CRPPA: variants seen among roughly 807,000 people sequenced by gnomAD.
CRPPA encodes D-ribitol-5-phosphate cytidylyltransferase.
Under a neutral mutation model 52.0 loss-of-function variants are expected in CRPPA, and 43 were observed. That is an observed-to-expected ratio of 0.83 (90% CI 0.65 to 1.07). The LOEUF (loss-of-function observed/expected upper bound fraction) is 1.07. Among genes scored for constraint, CRPPA ranks in the 50% least tolerant of loss-of-function variants. CRPPA has a pLI of 0.00. For synonymous variants in CRPPA, 250 were observed against 203.5 expected (o/e 1.23, Z -1.94); for missense variants, 629 against 551.7 (o/e 1.14, Z -1.40).
intron 8 of CRPPA, among the ~76,000 whole-genome samples, chr7:16,237,989 C>T (rs1782996411): frequency 2.0e-5 from 3 of 152,094 alleles, no homozygotes; most frequent in Non-Finnish European, 2.9e-5. Flanking sequence ...TTCAAGCACA[C>T]CTAGCTAAAT....
chr7:16,102,139 C>T (rs1332674342), intron 9 of CRPPA, among the ~76,000 whole-genome samples: 1 of 152,142 alleles, frequency 6.6e-6, no homozygotes, highest in African/African-American at 2.4e-5. Flanking sequence ...ACAGAGACCT[C>T]AGAAATAACA....
At chr7:16,232,143 C>T (rs1158353631) in intron 8 of CRPPA, among the ~76,000 whole-genome samples, 1 of 152,086 alleles carries the variant, frequency 6.6e-6, no homozygotes, top group Admixed American at 6.5e-5. Context: ...AGTCAAAGGC[C>T]TAGAAGGAAC....
intron 9 of CRPPA, among the ~76,000 whole-genome samples, chr7:16,101,228 G>A (rs970125165): frequency 6.6e-6 from 1 of 152,114 alleles, no homozygotes; most frequent in African/African-American, 2.4e-5. Flanking sequence ...AGAATAAATG[G>A]TACCAGCTCC....
intron 8 of CRPPA, among the ~76,000 whole-genome samples, chr7:16,222,853 G>A (rs1240964404): frequency 2.0e-5 from 3 of 152,094 alleles, no homozygotes; most frequent in African/African-American, 7.2e-5. Context: ...GGGGTACTGT[G>A]ATATTTTGTT....
chr7:16,242,352 A>T, intron 8 of CRPPA, among the ~76,000 whole-genome samples: 1 of 152,134 alleles, frequency 6.6e-6, no homozygotes, highest in Non-Finnish European at 1.5e-5. Context: ...TTTTCTAAGA[A>T]TGTTTTCATC....
At chr7:16,303,782 A>C (rs1296450488) in intron 4 of CRPPA, among the ~76,000 whole-genome samples, 4 of 152,236 alleles carry the variant, frequency 2.6e-5, no homozygotes, top group Non-Finnish European at 2.9e-5. Context: ...ACAAAAACCA[A>C]ATAGAGACTA....
chr7:16,091,886 C>A, intron 9 of CRPPA, 87 bp from the exon 10 acceptor site: 1 of 725,324 alleles, frequency 1.4e-6, no homozygotes. Context: ...TCAAGATCTG[C>A]TGCGGTCTGG....
intron 9 of CRPPA, among the ~76,000 whole-genome samples, chr7:16,177,939 A>G (rs1486699995): frequency 2.0e-5 from 3 of 152,056 alleles, no homozygotes; most frequent in Non-Finnish European, 2.9e-5. Context: ...TTCTATTTCT[A>G]TCTTTCTGTA....
intron 1 of CRPPA, among the ~76,000 whole-genome samples, chr7:16,418,270 G>T (rs752402345): frequency 3.1e-4 from 47 of 152,138 alleles, no homozygotes; most frequent in Non-Finnish European, 6.0e-4. Context: ...TGATAAAAAT[G>T]AGCCATGAAG....
intron 3 of CRPPA, among the ~76,000 whole-genome samples, chr7:16,363,234 C>G (rs1463537138): frequency 6.6e-6 from 1 of 151,968 alleles, no homozygotes; most frequent in East Asian, 1.9e-4. Context: ...AAGTTTTTCC[C>G]AAAAAGAGCA....
At chr7:16,236,950 G>GCGCACACACA (rs113087076) in intron 8 of CRPPA, among the ~76,000 whole-genome samples, 6 of 149,584 alleles carry the variant, frequency 4.0e-5, no homozygotes, top group African/African-American at 1.5e-4. Flanking sequence ...TCGTGCGCGC[G>GCGCACACACA]CACACACACA....
intron 9 of CRPPA, among the ~76,000 whole-genome samples, chr7:16,197,671 T>C (rs1381340743): frequency 6.6e-6 from 1 of 151,190 alleles, no homozygotes; most frequent in African/African-American, 2.4e-5. Context: ...GTAAGAACTG[T>C]AGAACTTCCA....
chr7:16,165,738 C>T (rs1171319856), intron 9 of CRPPA, among the ~76,000 whole-genome samples: 1 of 152,166 alleles, frequency 6.6e-6, no homozygotes, highest in Non-Finnish European at 1.5e-5. Context: ...TCTCCCCCAC[C>T]CACTCCCAGT....
intron 5 of CRPPA, among the ~76,000 whole-genome samples, chr7:16,282,489 C>T (rs78015441): frequency 0.11 from 16,495 of 151,598 alleles, 966 homozygotes; most frequent in Middle Eastern, 0.17. Flanking sequence ...GAAAGGGTGA[C>T]GGAAAAGGTG....
intron 2 of CRPPA, among the ~76,000 whole-genome samples, chr7:16,399,220 T>C (rs1289719941): frequency 1.3e-5 from 2 of 152,116 alleles, no homozygotes; most frequent in East Asian, 1.9e-4. Context: ...TTTGTGACAC[T>C]AGACACGTGA....
In CRPPA at chr7:16,342,763, C is replaced by CAAAAAAAAAAAAAAA. The variant is rs368521163; in HGVS notation, c.684+33314_684+33328dup. Among the ~76,000 whole-genome samples, 125 of 64,878 alleles carry CAAAAAAAAAAAAAAA rather than the reference C, an allele frequency of 1.9e-3. 11 individuals are homozygous for CAAAAAAAAAAAAAAA. The highest frequency in any genetic ancestry group is 2.3e-3 in the Non-Finnish European group (79 of 34,078). The allele number at this position is 64,878 out of a possible 152,430, so 42.6% of individuals were successfully genotyped here. On this transcript the variant is annotated intron_variant, in intron 3 of 9. Coordinates refer to ENST00000407010, the MANE Select transcript of CRPPA (RefSeq NM_001101426.4). ...GGCAACAGGATGAACCCTGTCTCCA[C>CAAAAAAAAAAAAAAA]AAAAAAAAAAAAAAAAAAAATATAT... is the stretch of plus-strand genomic sequence containing the variant.
At position 16,091,618 on chromosome 7, in the gene CRPPA, A is replaced by C. The variant is rs2128361035; in HGVS notation, c.*77T>G. 2 of 748,522 alleles carry C rather than the reference A, an allele frequency of 2.7e-6. No homozygotes were observed. Among genetic ancestry groups the C allele is most frequent in the South Asian group, 3.4e-5 (2 of 58,554 alleles). The allele number at this position is 748,522 out of a possible 1,614,324, so 46.4% of individuals were successfully genotyped here. On this transcript the variant is annotated 3_prime_UTR_variant, in exon 10 of 10. Coordinates refer to ENST00000407010, the MANE Select transcript of CRPPA (RefSeq NM_001101426.4). The stretch of plus-strand genomic sequence containing the variant: ...AAAGACAACTGAAACATTCTACCAC[A>C]CACAGCAGCGGGGGCACAAAGCACA...
intron 5 of CRPPA, among the ~76,000 whole-genome samples, chr7:16,288,845 CAAAAAAAA>C (rs71007760): frequency 1.4e-4 from 5 of 34,840 alleles, no homozygotes; most frequent in African/African-American, 3.4e-4. Context: ...GACTCTGCCT[CAAAAAAAA>C]AAAAAAAAAA....
Position 16,402,699 on chromosome 7 carries a change from TAA to T in CRPPA, c.534+3360_534+3361del, listed in dbSNP as rs10711388. Among the ~76,000 whole-genome samples the T allele has an allele frequency of 3.3e-3, 474 of 143,158 alleles. 3 individuals are homozygous for T. Among genetic ancestry groups the T allele is most frequent in the African/African-American group, 7.7e-3 (306 of 39,624 alleles). The allele number at this position is 143,158 out of a possible 152,430, so 93.9% of individuals were successfully genotyped here. On this transcript the variant is annotated intron_variant, in intron 2 of 9. Transcript: ENST00000407010. ...CCTTAAACAGGATATTAGACAGAGC[TAA>T]AAAAAAAAAAATGAGAAATTGGAAA...
Sources: allele counts gnomAD v4.1 joint callset (sites outside exome capture counted in the v4.1 genomes callset), GRCh38; gene constraint gnomAD v4.1.1; transcripts MANE v1.5; gene names NCBI Gene and HGNC (gene_info 2026-07-23, HGNC 2026-07-21).